The following SHANK2 variants were observed in gnomAD, a reference collection of about 807,000 sequenced individuals.
The protein encoded by SHANK2 is SH3 and multiple ankyrin repeat domains 2.
SHANK2 carries 43 observed loss-of-function variants against 133.7 expected under a neutral mutation model. That is an observed-to-expected ratio of 0.32 (90% CI 0.25 to 0.41). The LOEUF is 0.41. SHANK2 is among the 10% of genes least tolerant of loss of function. The probability of loss-of-function intolerance (pLI) is 1.00; values close to 1 mark genes in which losing one functional copy is unlikely to be tolerated. For missense variants in SHANK2, 1,994 were observed against 2,235.8 expected (o/e 0.89, Z 2.18); for synonymous variants, 1,017 against 952.8 (o/e 1.07, Z -1.24).
At chr11:70,608,352 T>C (rs2060607957) in intron 17 of SHANK2, among the ~76,000 whole-genome samples, 2 of 152,120 alleles carry the variant, frequency 1.3e-5, no homozygotes, top group Non-Finnish European at 1.5e-5. Context: ...AGCTCCCTAG[T>C]TGAACACGTA....
intron 17 of SHANK2, among the ~76,000 whole-genome samples, chr11:70,541,984 A>G (rs556882048): frequency 6.6e-6 from 1 of 152,346 alleles, no homozygotes; most frequent in South Asian, 2.1e-4. Context: ...GACAGTGGCT[A>G]GAGGGGGTTT....
intron 3 of SHANK2, among the ~76,000 whole-genome samples, chr11:71,122,308 A>G (rs1203294095): frequency 6.6e-6 from 1 of 152,258 alleles, no homozygotes; most frequent in Non-Finnish European, 1.5e-5. Flanking sequence ...ATGGAATACT[A>G]TGCAGCCATA....
intron 10 of SHANK2, among the ~76,000 whole-genome samples, chr11:70,937,917 T>C (rs782382373): frequency 1.3e-5 from 2 of 152,112 alleles, no homozygotes; most frequent in Admixed American, 6.5e-5. Flanking sequence ...CTCTCTTCAT[T>C]TGCATGTGTG....
chr11:70,554,828 T>C (rs576788754), intron 17 of SHANK2, among the ~76,000 whole-genome samples: 9 of 143,952 alleles, frequency 6.3e-5, no homozygotes, highest in African/African-American at 2.3e-4. Flanking sequence ...TTTTTCACTA[T>C]CTCCATTTTT....
At chr11:70,758,170 G>A (rs1487229394) in intron 14 of SHANK2, among the ~76,000 whole-genome samples, 7 of 152,216 alleles carry the variant, frequency 4.6e-5, no homozygotes, top group African/African-American at 1.2e-4. Context: ...CTGAAAGCAC[G>A]GGGGAGGGAC....
At chr11:71,067,293 CA>C (rs1951077369) in intron 9 of SHANK2, among the ~76,000 whole-genome samples, 1 of 152,198 alleles carries the variant, frequency 6.6e-6, no homozygotes, top group Non-Finnish European at 1.5e-5. Flanking sequence ...GTGCTGGTAT[CA>C]AAGACAGGCA....
At chr11:71,096,692 G>A (rs527555513) in intron 6 of SHANK2, among the ~76,000 whole-genome samples, 6 of 152,238 alleles carry the variant, frequency 3.9e-5, no homozygotes, top group East Asian at 3.9e-4. Flanking sequence ...ACACTCGTTC[G>A]GGGCAAGGTT....
At chr11:71,174,704 A>C (rs1953390722) in intron 2 of SHANK2, 1 of 136,966 alleles carries the variant, frequency 7.3e-6, no homozygotes, top group Non-Finnish European at 1.6e-5. Flanking sequence ...AAAATCAAAA[A>C]TTAGCTGAGT....
At chr11:70,591,967 G>A (rs971887747) in intron 17 of SHANK2, among the ~76,000 whole-genome samples, 1 of 152,146 alleles carries the variant, frequency 6.6e-6, no homozygotes, top group South Asian at 2.1e-4. Flanking sequence ...GCAGTGAGCT[G>A]AGATGGCACC....
At chr11:70,707,034 A>T (rs1397873478) in intron 14 of SHANK2, among the ~76,000 whole-genome samples, 1 of 152,132 alleles carries the variant, frequency 6.6e-6, no homozygotes, top group African/African-American at 2.4e-5. Context: ...CCAAAAGCTA[A>T]TCTTTAAGGA....
At chr11:71,152,693 G>A (rs1952821232) in intron 2 of SHANK2, among the ~76,000 whole-genome samples, 1 of 152,186 alleles carries the variant, frequency 6.6e-6, no homozygotes. Context: ...GAGGAACCGG[G>A]ATTTCGTGCA....
intron 2 of SHANK2, among the ~76,000 whole-genome samples, chr11:71,149,877 G>GAGAAGGAA (rs1206048578): frequency 1.2e-5 from 1 of 86,374 alleles, no homozygotes; most frequent in Non-Finnish European, 2.3e-5. Flanking sequence ...GAAGGAAGGT[G>GAGAAGGAA]AGAAGGAAAG....
chr11:71,165,582 G>A (rs1953127150), intron 2 of SHANK2, among the ~76,000 whole-genome samples: 1 of 152,072 alleles, frequency 6.6e-6, no homozygotes, highest in Admixed American at 6.6e-5. Flanking sequence ...TTCTCTCTGC[G>A]AAGCCTGGTC....
intron 17 of SHANK2, among the ~76,000 whole-genome samples, chr11:70,599,267 A>G (rs1235325664): frequency 1.3e-5 from 2 of 152,178 alleles, no homozygotes; most frequent in Non-Finnish European, 2.9e-5. Flanking sequence ...AATCTAAAAA[A>G]GGTTTTGCAG....
chr11:70,905,125 C>T (rs1326197294), intron 10 of SHANK2, among the ~76,000 whole-genome samples: 1 of 152,100 alleles, frequency 6.6e-6, no homozygotes, highest in Non-Finnish European at 1.5e-5. Flanking sequence ...GGACTCAGTA[C>T]CTGGACAGGC....
chr11:70,617,430 A>G (rs1344707611), intron 17 of SHANK2, among the ~76,000 whole-genome samples: 1 of 152,236 alleles, frequency 6.6e-6, no homozygotes, highest in African/African-American at 2.4e-5. Context: ...GAGTTCACCC[A>G]GCCCTGCCAT....
chr11:70,492,482 A>G lies in SHANK2; in HGVS notation c.2309-17T>C. On this transcript the variant is annotated splice_polypyrimidine_tract_variant and intron_variant, in intron 21 of 25. Transcript: ENST00000601538. ...CGGGTTTATCTGCAATAGAACCGTGAGGATTGGAGCAGCAACACCAGTGGG... is the reference window on the plus strand; with the variant it reads ...CGGGTTTATCTGCAATAGAACCGTGGGGATTGGAGCAGCAACACCAGTGGG... 1.9e-6 allele frequency: 3 copies of G among 1,613,684 alleles called. No homozygotes were observed. Among genetic ancestry groups the G allele is most frequent in the Non-Finnish European group, 2.5e-6 (3 of 1,180,016 alleles).
chr11:70,471,860 G>A lies in SHANK2; in HGVS notation c.*1009C>T, dbSNP rs1555148634. ...ACTGGCAGCCGCATGTGCCCGCCAT[G>A]AGCCATGCGTCTTCTTGTCCTTCAT... On this transcript the variant is annotated 3_prime_UTR_variant, in exon 26 of 26. Transcript: ENST00000601538. The surrounding 1 kb of genome is among the most constrained non-coding windows in gnomAD (Gnocchi z 4.1). The A allele has an allele frequency of 6.4e-6, 1 of 155,538 alleles. No homozygotes were observed. The highest frequency in any genetic ancestry group is 1.4e-5 in the Non-Finnish European group (1 of 70,382). 9.6% of individuals were successfully genotyped at this position (155,538 alleles called of 1,614,324 possible). A position where few individuals can be genotyped will look rare whatever the true frequency, so the allele number is the denominator to read the frequency against.
chr11:71,099,312 G>A (rs782551621), intron 6 of SHANK2, among the ~76,000 whole-genome samples: 2 of 152,136 alleles, frequency 1.3e-5, no homozygotes, highest in South Asian at 2.1e-4. Context: ...TAATAATAAT[G>A]CATCGATATC....
Sources: gnomAD v4.1 joint callset for allele counts (sites outside exome capture counted in the v4.1 genomes callset) on GRCh38, gnomAD v4.1.1 for gene constraint, Gnocchi (gnomAD v3.1) non-coding constraint, MANE v1.5 for transcripts, NCBI Gene and HGNC (gene_info 2026-07-23, HGNC 2026-07-21) for gene names.